The following ZNF43 variants were observed in gnomAD, a reference collection of about 807,000 sequenced individuals.
The protein encoded by ZNF43 is zinc finger protein 39-like 1 (KOX 27).
ZNF43 carries 44 observed loss-of-function variants against 68.4 expected under a neutral mutation model. The ratio of observed to expected loss-of-function variants is 0.64; its 90% confidence interval spans 0.51 to 0.83. ZNF43 has a LOEUF of 0.83. ZNF43 is among the 40% of genes least tolerant of loss of function. The pLI, the probability that ZNF43 is intolerant of heterozygous loss-of-function variation, is 0.00. For missense variants in ZNF43, 896 were observed against 933.2 expected, an observed-to-expected ratio of 0.96 and a Z score of 0.52; for synonymous variants, 308 against 307.8, an observed-to-expected ratio of 1.00 and a Z score of -0.01.
chr19:21,835,620 G>A (rs2145350724), intron 1 of ZNF43, among the ~76,000 whole-genome samples: 1 of 152,104 alleles, frequency 6.6e-6, no homozygotes, highest in African/African-American at 2.4e-5. Flanking sequence ...CTCCCAAAGT[G>A]CTGGGATTAA....
intron 3 of ZNF43, 112 bp from the exon 4 acceptor site, chr19:21,809,919 T>C (rs1433794524): frequency 1.0e-6 from 1 of 1,004,004 alleles, no homozygotes; most frequent in Non-Finnish European, 1.4e-6. Flanking sequence ...CATAGAAAAA[T>C]ACCACAGGCC....
At chr19:21,850,344 C>T (rs955098432) in intron 1 of ZNF43, among the ~76,000 whole-genome samples, 9 of 151,838 alleles carry the variant, frequency 5.9e-5, no homozygotes, top group South Asian at 2.1e-4. Flanking sequence ...AGGTGGATCA[C>T]GAGGTCAGGA....
intron 1 of ZNF43, among the ~76,000 whole-genome samples, chr19:21,827,822 TG>T (rs1468051832): frequency 6.6e-6 from 1 of 152,056 alleles, no homozygotes; most frequent in African/African-American, 2.4e-5. Context: ...CCACAATGTA[TG>T]GCTAATTTTG....
intron 1 of ZNF43, among the ~76,000 whole-genome samples, chr19:21,822,261 A>T (rs1352126876): frequency 6.6e-6 from 1 of 152,200 alleles, no homozygotes; most frequent in African/African-American, 2.4e-5. Flanking sequence ...AAACCCAAAC[A>T]GAACAGGCCC....
At chr19:21,843,045 C>T (rs994256685) in intron 1 of ZNF43, 1 of 152,164 alleles carries the variant, frequency 6.6e-6, no homozygotes, top group Non-Finnish European at 1.5e-5. Flanking sequence ...TCCCCTGAAG[C>T]CAGGGTCTAG....
intron 1 of ZNF43, among the ~76,000 whole-genome samples, chr19:21,823,650 A>G (rs987178994): frequency 7.2e-6 from 1 of 139,374 alleles, no homozygotes; most frequent in Non-Finnish European, 1.5e-5. Context: ...GCACAATCTC[A>G]GCTCACTGCA....
At chr19:21,831,041 A>G (rs2038401199) in intron 1 of ZNF43, among the ~76,000 whole-genome samples, 1 of 152,238 alleles carries the variant, frequency 6.6e-6, no homozygotes, top group African/African-American at 2.4e-5. Flanking sequence ...ATCTTTCAAG[A>G]AAATTTAACA....
chr19:21,825,144 G>T (rs572022235), intron 1 of ZNF43, among the ~76,000 whole-genome samples: 3 of 152,146 alleles, frequency 2.0e-5, no homozygotes, highest in Non-Finnish European at 2.9e-5. Context: ...TAAGGCAGGA[G>T]AACTGCTTGA....
chr19:21,829,830 A>C (rs1161555644), intron 1 of ZNF43, among the ~76,000 whole-genome samples: 1 of 152,156 alleles, frequency 6.6e-6, no homozygotes, highest in Non-Finnish European at 1.5e-5. Context: ...CGTCTCAAAA[A>C]ACAAAAAAAC....
In ZNF43 at chr19:21,809,491, T is replaced by C. The variant is rs754969035; in HGVS notation, c.546A>G (p.Ser182=). Reference sequence around the variant, plus strand: ...GAGCTAGATGTGGAAGCATGCAAAATGATTTGCCACATTCTTTGCATTTGA... The same window carrying C: ...GAGCTAGATGTGGAAGCATGCAAAACGATTTGCCACATTCTTTGCATTTGA... ...KLFKCKECGK[S]FCMLPHLAQH... The change falls in exon 4 of 4, where the codon TCA becomes TCG. Residue 182 remains serine, a synonymous_variant. Coordinates refer to ENST00000354959, the MANE Select transcript of ZNF43 (RefSeq NM_003423.4). 46 of 1,613,618 alleles carry C rather than the reference T, an allele frequency of 2.9e-5. 1 individual carries two copies. The highest frequency in any genetic ancestry group is 2.3e-4 in the South Asian group (21 of 91,078).
chr19:21,833,337 G>A (rs982879396), intron 1 of ZNF43, among the ~76,000 whole-genome samples: 1 of 152,058 alleles, frequency 6.6e-6, no homozygotes, highest in African/African-American at 2.4e-5. Context: ...CGCGACCTCA[G>A]CTCACTGCAA....
intron 1 of ZNF43, among the ~76,000 whole-genome samples, chr19:21,823,078 C>G (rs1370960127): frequency 1.3e-5 from 2 of 152,122 alleles, no homozygotes; most frequent in African/African-American, 2.4e-5. Context: ...AATAAACATT[C>G]CTTCAAGTGA....
In ZNF43 at chr19:21,808,019, G is replaced by T. The variant is rs528030354; in HGVS notation, c.2018C>A (p.Thr673Asn). ...STLTKHKIIH[T>N]GEKPYKCEEC... The stretch of plus-strand genomic sequence containing the variant: ...TTCACATTTGTAGGGTTTCTCTCCA[G>T]TATGAATTATCTTATGTTTAGTAAG... The change falls in exon 4 of 4, where the codon ACT (threonine) becomes AAT (asparagine). Residue 673 changes from threonine to asparagine, a missense_variant. By Grantham distance (65) the Thr-to-Asn change is moderately conservative (BLOSUM62 0). Transcript: ENST00000354959. 1.9e-6 allele frequency: 3 copies of T among 1,612,836 alleles called. No individual in the cohort carries two copies. In the South Asian group the frequency reaches 3.3e-5, roughly 18 times the overall value.
At chr19:21,849,739 T>C (rs1455364409) in intron 1 of ZNF43, among the ~76,000 whole-genome samples, 1 of 147,804 alleles carries the variant, frequency 6.8e-6, no homozygotes, top group Non-Finnish European at 1.5e-5. Flanking sequence ...CGAAACTCCA[T>C]CTCAAAAAAA....
At position 21,808,903 on chromosome 19, in the gene ZNF43, A is replaced by T. The variant is rs751077759; in HGVS notation, c.1134T>A (p.Ala378=). The T allele has an allele frequency of 6.2e-7, 1 of 1,613,274 alleles. No individual in the cohort carries two copies. Among genetic ancestry groups the T allele is most frequent in the Admixed American group, 1.7e-5 (1 of 59,916 alleles). ...KFYKCTECGE[A]FSRSSNLTKH... ...TAGTAAGGTTTGAGGACCGGCTAAA[A>T]GCTTCACCACATTCTGTACATTTAT... The change falls in exon 4 of 4, where the codon GCT becomes GCA. Residue 378 remains alanine (A), a synonymous_variant. Transcript: ENST00000354959.
intron 3 of ZNF43, among the ~76,000 whole-genome samples, chr19:21,812,953 A>G (rs1361782929): frequency 1.3e-5 from 2 of 151,868 alleles, no homozygotes; most frequent in East Asian, 3.9e-4. Flanking sequence ...AATAATAAAA[A>G]ATTACAAATT....
At chr19:21,846,248 CG>C (rs1967946812) in intron 1 of ZNF43, among the ~76,000 whole-genome samples, 1 of 151,958 alleles carries the variant, frequency 6.6e-6, no homozygotes, top group South Asian at 2.1e-4. Context: ...CTGGGCCAAG[CG>C]ATATCTCACA....
At chr19:21,822,438 G>T (rs1230385084) in intron 1 of ZNF43, among the ~76,000 whole-genome samples, 1 of 144,000 alleles carries the variant, frequency 6.9e-6, no homozygotes, top group East Asian at 2.0e-4. Context: ...ACAATAAGCA[G>T]GCCTGACCTA....
intron 3 of ZNF43, 149 bp downstream of exon 3, chr19:21,817,739 G>C (rs1454669216): frequency 1.3e-6 from 1 of 746,512 alleles, no homozygotes; most frequent in Non-Finnish European, 2.2e-6. Context: ...AGATACCCTT[G>C]TGTGAAAGCA....
Sources: allele counts gnomAD v4.1 joint callset (sites outside exome capture counted in the v4.1 genomes callset), GRCh38; gene constraint gnomAD v4.1.1; transcripts MANE v1.5; gene names NCBI Gene and HGNC (gene_info 2026-07-23, HGNC 2026-07-21).